RCL1: variants seen among roughly 807,000 people sequenced by gnomAD.
RCL1 encodes the protein RNA 3'-terminal phosphate cyclase-like protein.
In RCL1, 24 loss-of-function variants were observed where a neutral mutation model predicts 42.4. That is an observed-to-expected ratio of 0.57 (90% CI 0.41 to 0.80). RCL1 has a LOEUF of 0.80. RCL1 is among the 30% of genes least tolerant of loss of function. The pLI is 0.00. For missense variants in RCL1, 578 were observed against 467.9 expected (o/e 1.24, Z -2.17); for synonymous variants, 228 against 177.3 (o/e 1.29, Z -2.27).
chr9:4,860,972 T>C lies in RCL1; in HGVS notation c.*697T>C, dbSNP rs1306731398. 1 of 152,214 alleles carries C rather than the reference T, an allele frequency of 6.6e-6. No homozygotes were observed. The highest frequency in any genetic ancestry group is 1.5e-5 in the Non-Finnish European group (1 of 68,046). 9.4% of individuals were successfully genotyped at this position (152,214 alleles called of 1,614,324 possible). ...TTATTTTATTTTCACAATAGCTCTG[T>C]GATGTAAGTGCTATCTCCATGAGAA... On this transcript the variant is annotated 3_prime_UTR_variant, in exon 9 of 9. Transcript: ENST00000381750.
At chr9:4,859,274 T>G (rs1342229349) in intron 8 of RCL1, among the ~76,000 whole-genome samples, 1 of 152,238 alleles carries the variant, frequency 6.6e-6, no homozygotes, top group Non-Finnish European at 1.5e-5. Flanking sequence ...CCGGCCACCT[T>G]ATTTAATATT....
At chr9:4,793,291 G>GT in intron 1 of RCL1, 64 bp downstream of exon 1, 3 of 1,507,942 alleles carry the variant, frequency 2.0e-6, no homozygotes, top group Non-Finnish European at 2.7e-6. Context: ...AGCTGATGCC[G>GT]TGGGGGCCCG....
intron 5 of RCL1, among the ~76,000 whole-genome samples, chr9:4,837,781 C>A (rs778447758): frequency 2.0e-5 from 3 of 152,186 alleles, no homozygotes; most frequent in Non-Finnish European, 2.9e-5. Context: ...GTTCTTGGAA[C>A]CTTCCCTGTG....
chr9:4,860,070 AT>A (rs370244569), intron 8 of RCL1, 54 bp from the exon 9 acceptor site: 742 of 1,288,584 alleles, frequency 5.8e-4, no homozygotes, highest in South Asian at 7.4e-4. Context: ...GTAGAGGATA[AT>A]TTTTTTTTGA....
At chr9:4,808,256 A>G (rs1302741532) in intron 1 of RCL1, among the ~76,000 whole-genome samples, 2 of 152,134 alleles carry the variant, frequency 1.3e-5, no homozygotes, top group Non-Finnish European at 2.9e-5. Flanking sequence ...TCTTAGTGCT[A>G]CATTGACTCT....
At chr9:4,837,541 T>C (rs1817181672) in intron 5 of RCL1, among the ~76,000 whole-genome samples, 1 of 152,030 alleles carries the variant, frequency 6.6e-6, no homozygotes, top group South Asian at 2.1e-4. Flanking sequence ...AGTCTGGAAA[T>C]GTGATTTCTG....
intron 1 of RCL1, among the ~76,000 whole-genome samples, chr9:4,803,282 GA>G (rs1843036966): frequency 6.6e-6 from 1 of 152,128 alleles, no homozygotes; most frequent in Admixed American, 6.6e-5. Context: ...AGTGCTTTTA[GA>G]ACCAAGACTA....
chr9:4,853,706 A>G (rs528898887), intron 8 of RCL1, among the ~76,000 whole-genome samples: 1 of 152,314 alleles, frequency 6.6e-6, no homozygotes, highest in Non-Finnish European at 1.5e-5. Flanking sequence ...ATGCCATGCT[A>G]CATCTTTTCA....
intron 1 of RCL1, among the ~76,000 whole-genome samples, chr9:4,808,143 G>A (rs1416549742): frequency 1.3e-5 from 2 of 151,526 alleles, no homozygotes; most frequent in African/African-American, 4.9e-5. Context: ...ATTGAGAGAG[G>A]GGTCGCTGAC....
At chr9:4,849,196 TAAG>T (rs1189180772) in intron 7 of RCL1, among the ~76,000 whole-genome samples, 27 of 150,374 alleles carry the variant, frequency 1.8e-4, no homozygotes, top group African/African-American at 6.6e-4. Context: ...TAGATTCACT[TAAG>T]AAGATTTGAA....
intron 4 of RCL1, among the ~76,000 whole-genome samples, chr9:4,833,910 T>C (rs1272191238): frequency 6.6e-6 from 1 of 152,248 alleles, no homozygotes; most frequent in Non-Finnish European, 1.5e-5. Context: ...GTTAAAGAGA[T>C]GAGTGGCAGA....
intron 1 of RCL1, among the ~76,000 whole-genome samples, chr9:4,806,017 GGTGTGT>G (rs58494209): frequency 1.3e-4 from 18 of 142,740 alleles, no homozygotes; most frequent in East Asian, 8.1e-4. Context: ...ATACCATTGG[GGTGTGT>G]GTGTGTGTGT....
chr9:4,829,484 G>A (rs34956630), intron 3 of RCL1, among the ~76,000 whole-genome samples: 4,663 of 152,226 alleles, frequency 0.031, 118 homozygotes, highest in Non-Finnish European at 0.045. Context: ...TTTTATTTTG[G>A]TCTTGTTCCC....
intron 8 of RCL1, among the ~76,000 whole-genome samples, chr9:4,854,268 T>C (rs1210292327): frequency 6.6e-6 from 1 of 152,168 alleles, no homozygotes; most frequent in Non-Finnish European, 1.5e-5. Context: ...TAACTGAATG[T>C]AGTAATTTCA....
At chr9:4,822,855 T>G (rs1816639143) in intron 1 of RCL1, among the ~76,000 whole-genome samples, 1 of 152,118 alleles carries the variant, frequency 6.6e-6, no homozygotes, top group South Asian at 2.1e-4. Flanking sequence ...AAATTAAATT[T>G]ATATAAAATC....
rs138108932 is a variant in RCL1, at chr9:4,818,338, C to G, written c.137-5210C>G. Reference sequence around the variant, plus strand: ...ATGGTCTGCATTTTTTTTTCTTGACCTCAGTATAATTTAGGAAAGATATTT... The same window carrying G: ...ATGGTCTGCATTTTTTTTTCTTGACGTCAGTATAATTTAGGAAAGATATTT... On this transcript the variant is annotated intron_variant, in intron 1 of 8. Transcript: ENST00000381750. Among the ~76,000 whole-genome samples, 256 of 151,578 alleles carry G rather than the reference C, an allele frequency of 1.7e-3. 2 individuals carry two copies. Among genetic ancestry groups the G allele is most frequent in the African/African-American group, 5.8e-3 (240 of 41,292 alleles).
intron 7 of RCL1, among the ~76,000 whole-genome samples, 159 bp from the exon 8 acceptor site, chr9:4,849,288 G>C (rs933067277): frequency 5.9e-5 from 9 of 151,416 alleles, no homozygotes; most frequent in African/African-American, 2.2e-4. Flanking sequence ...ACAGTTAGTT[G>C]ATACAATGAT....
At chr9:4,857,560 C>T (rs150675170) in intron 8 of RCL1, among the ~76,000 whole-genome samples, 2 of 152,222 alleles carry the variant, frequency 1.3e-5, no homozygotes, top group Non-Finnish European at 2.9e-5. Flanking sequence ...GTGAATAATG[C>T]CATTATGAAT....
chr9:4,800,652 ATTTTT>A (rs35340693), intron 1 of RCL1, among the ~76,000 whole-genome samples: 1 of 123,934 alleles, frequency 8.1e-6, no homozygotes, highest in Non-Finnish European at 1.7e-5. Flanking sequence ...GTGTGGATGT[ATTTTT>A]TTTTTTTTTT....
Sources: allele counts gnomAD v4.1 joint callset (sites outside exome capture counted in the v4.1 genomes callset), GRCh38; gene constraint gnomAD v4.1.1; transcripts MANE v1.5; gene names NCBI Gene and HGNC (gene_info 2026-07-23, HGNC 2026-07-21).